Variants in SPOCK1 observed in about 807,000 individuals in gnomAD.
The protein encoded by SPOCK1 is SPARC (osteonectin), cwcv and kazal like domains proteoglycan 1.
A neutral mutation model predicts 55.3 loss-of-function variants in SPOCK1; 23 were observed. That is an observed-to-expected ratio of 0.42 (90% confidence interval 0.30 to 0.59). SPOCK1 has a LOEUF of 0.59. Among genes scored for constraint, SPOCK1 ranks in the 20% least tolerant of loss-of-function variants. The pLI is 0.22. For synonymous variants in SPOCK1, 226 were observed against 221.0 expected (o/e 1.02, Z -0.20); for missense variants, 499 against 552.5 (o/e 0.90, Z 0.97).
chr5:136,996,331 C>T (rs1378793013), intron 6 of SPOCK1, among the ~76,000 whole-genome samples: 1 of 152,188 alleles, frequency 6.6e-6, no homozygotes, highest in East Asian at 1.9e-4. Context: ...GAGAGGGGTC[C>T]TGGCGAGAGG....
At chr5:137,311,841 C>T (rs959831606) in intron 2 of SPOCK1, among the ~76,000 whole-genome samples, 8 of 152,106 alleles carry the variant, frequency 5.3e-5, no homozygotes, top group African/African-American at 1.9e-4. Context: ...CTTTTGTAAC[C>T]TGCTTTTTAC....
intron 6 of SPOCK1, among the ~76,000 whole-genome samples, chr5:137,007,274 A>G (rs1033690458): frequency 1.3e-5 from 2 of 152,194 alleles, no homozygotes; most frequent in Non-Finnish European, 2.9e-5. Flanking sequence ...TTGCAACAAA[A>G]GCCAAAATTG....
chr5:137,315,655 A>T (rs1029471211), intron 2 of SPOCK1, among the ~76,000 whole-genome samples: 1 of 152,110 alleles, frequency 6.6e-6, no homozygotes, highest in Non-Finnish European at 1.5e-5. Flanking sequence ...CATGATCATT[A>T]TTTGCCATCT....
chr5:137,281,809 T>C (rs1003127318), intron 2 of SPOCK1, among the ~76,000 whole-genome samples: 1 of 152,192 alleles, frequency 6.6e-6, no homozygotes, highest in Non-Finnish European at 1.5e-5. Flanking sequence ...TGGGTTATTG[T>C]CGAGCTGCCC....
In SPOCK1 at chr5:137,385,897, T is replaced by C. The variant is rs1027144259; in HGVS notation, c.186+112476A>G. Among the ~76,000 whole-genome samples, 5 of 152,332 alleles carry C rather than the reference T, an allele frequency of 3.3e-5. No homozygotes were observed. The East Asian group carries it at 7.7e-4, about 23-fold the overall frequency. ...AATATTTTAGGCTTTCTGGGCCATA[T>C]GGTCTCTGTTGCAACTACTCAACTC... On this transcript the variant is annotated intron_variant, in intron 2 of 10. Transcript: ENST00000394945.
At chr5:137,486,683 A>G (rs1754062547) in intron 2 of SPOCK1, among the ~76,000 whole-genome samples, 1 of 152,270 alleles carries the variant, frequency 6.6e-6, no homozygotes, top group African/African-American at 2.4e-5. Flanking sequence ...CAAAGAAACA[A>G]AATATTCCAA....
intron 2 of SPOCK1, among the ~76,000 whole-genome samples, chr5:137,361,603 C>T (rs1186794281): frequency 2.0e-5 from 3 of 152,128 alleles, no homozygotes; most frequent in South Asian, 4.2e-4. Flanking sequence ...TAAACATTTA[C>T]ACACGATTAG....
At chr5:137,097,602 G>A (rs1006938743) in intron 5 of SPOCK1, among the ~76,000 whole-genome samples, 5 of 152,198 alleles carry the variant, frequency 3.3e-5, no homozygotes, top group Non-Finnish European at 7.3e-5. Context: ...GAGAACAACT[G>A]AGTGTGCAAA....
intron 6 of SPOCK1, among the ~76,000 whole-genome samples, chr5:137,065,438 C>A (rs1752488087): frequency 6.6e-6 from 1 of 152,084 alleles, no homozygotes; most frequent in Non-Finnish European, 1.5e-5. Flanking sequence ...AGTCTTAGAA[C>A]CTCATGGAAA....
intron 3 of SPOCK1, among the ~76,000 whole-genome samples, chr5:137,151,222 G>A (rs1423756029): frequency 6.6e-6 from 1 of 152,026 alleles, no homozygotes; most frequent in Non-Finnish European, 1.5e-5. Context: ...CAAACTCCTG[G>A]CCTCAAGCAG....
intron 2 of SPOCK1, among the ~76,000 whole-genome samples, chr5:137,432,371 G>A (rs1285971478): frequency 1.3e-5 from 2 of 152,058 alleles, no homozygotes; most frequent in Admixed American, 6.6e-5. Flanking sequence ...CCACTGACCA[G>A]TGAAAAGATT....
rs74815729 is a variant in SPOCK1 at position 137,033,353 on chromosome 5, C to A, written c.589+34362G>T. Among the ~76,000 whole-genome samples, 260 of 152,288 alleles carry A rather than the reference C, an allele frequency of 1.7e-3. 1 individual carries two copies. The Middle Eastern group carries it at 0.024, about 14-fold the overall frequency. On this transcript the variant is annotated intron_variant, in intron 6 of 10. Coordinates refer to ENST00000394945, the MANE Select transcript of SPOCK1 (RefSeq NM_004598.4). ...TGCTACGTGCCTTCGAATTTGCATG[C>A]CTTTGCATTTGCTGACAAGCCTGCC...
intron 4 of SPOCK1, among the ~76,000 whole-genome samples, chr5:137,116,547 G>A (rs988443162): frequency 6.6e-6 from 1 of 152,014 alleles, no homozygotes; most frequent in Non-Finnish European, 1.5e-5. Flanking sequence ...TTGGGAGGCT[G>A]AGGCAGGAGA....
At chr5:137,465,041 T>G (rs1296646492) in intron 2 of SPOCK1, among the ~76,000 whole-genome samples, 2 of 152,200 alleles carry the variant, frequency 1.3e-5, no homozygotes, top group African/African-American at 4.8e-5. Flanking sequence ...AACAACGCTA[T>G]AGAAGCCACT....
chr5:137,428,264 A>G (rs1752675384), intron 2 of SPOCK1, among the ~76,000 whole-genome samples: 1 of 152,190 alleles, frequency 6.6e-6, no homozygotes, highest in African/African-American at 2.4e-5. Context: ...TCCTTTATAC[A>G]ACAAAGAACC....
Position 137,424,699 on chromosome 5 carries a change from A to G in SPOCK1, c.186+73674T>C, listed in dbSNP as rs141310761. Among the ~76,000 whole-genome samples, 371 of 152,360 alleles carry G rather than the reference A, an allele frequency of 2.4e-3. 1 individual carries two copies. Among genetic ancestry groups the G allele is most frequent in the African/African-American group, 8.7e-3 (362 of 41,584 alleles). On this transcript the variant is annotated intron_variant, in intron 2 of 10. Transcript: ENST00000394945. ...ATTACTGATATACACAAGAACATGGACAAATCTAAAAAAGATTGTGCTAAG... is the reference window on the plus strand; with the variant it reads ...ATTACTGATATACACAAGAACATGGGCAAATCTAAAAAAGATTGTGCTAAG...
Position 137,106,615 on chromosome 5 carries a change from C to T in SPOCK1, c.474+5820G>A, listed in dbSNP as rs148459579. Among the ~76,000 whole-genome samples, 107 of 152,192 alleles carry T rather than the reference C, an allele frequency of 7.0e-4. 2 individuals carry two copies. In the East Asian group the frequency reaches 0.018, roughly 25 times the overall value. On this transcript the variant is annotated intron_variant, in intron 5 of 10. Transcript: ENST00000394945. ...CCTTTTTAGATGGTTTTCTATCCAT[C>T]CCTGCACCCTCTCTGCAAATCCAGG...
intron 2 of SPOCK1, among the ~76,000 whole-genome samples, chr5:137,315,311 T>C (rs1031102838): frequency 1.3e-5 from 2 of 152,242 alleles, no homozygotes; most frequent in Non-Finnish European, 2.9e-5. Context: ...CCATCTCATC[T>C]GTCATTCTCA....
intron 3 of SPOCK1, among the ~76,000 whole-genome samples, chr5:137,169,208 G>A (rs563743901): frequency 1.3e-5 from 2 of 152,124 alleles, no homozygotes; most frequent in East Asian, 1.9e-4. Context: ...GGGTTGGGGG[G>A]AAGTGGGGAT....
Sources: allele counts gnomAD v4.1 joint callset (sites outside exome capture counted in the v4.1 genomes callset), GRCh38; gene constraint gnomAD v4.1.1; transcripts MANE v1.5; gene names NCBI Gene and HGNC (gene_info 2026-07-23, HGNC 2026-07-21).